Variants in CTC1 observed in about 807,000 individuals in gnomAD.
CTC1 encodes the protein CST telomere replication complex component 1.
CTC1 carries 91 observed loss-of-function variants against 136.3 expected under a neutral mutation model. The observed-to-expected ratio is 0.67, with a 90% CI of 0.56 to 0.79. The LOEUF is 0.79. Ranked by LOEUF, CTC1 falls within the 30% of genes least tolerant of loss-of-function variation. The pLI is 0.00. For synonymous variants in CTC1, 606 were observed against 613.8 expected, an observed-to-expected ratio of 0.99 and a Z score of 0.19; for missense variants, 1,432 against 1,498.1, an observed-to-expected ratio of 0.96 and a Z score of 0.73.
intron 22 of CTC1, 29 bp from the exon 23 acceptor site, chr17:8,228,348 G>A (rs527465967): frequency 3.5e-5 from 57 of 1,610,678 alleles, no homozygotes; most frequent in South Asian, 5.5e-5. Flanking sequence ...AAAAACACAC[G>A]TCTCAGGCAT....
intron 1 of CTC1, 67 bp downstream of exon 1, chr17:8,247,937 T>C (rs377393272): frequency 7.3e-6 from 11 of 1,516,350 alleles, no homozygotes; most frequent in African/African-American, 2.8e-5. Flanking sequence ...GCAGAGGAAA[T>C]AGGAAGAGAA....
intron 15 of CTC1, 150 bp downstream of exon 15, chr17:8,231,126 G>C: frequency 1.6e-6 from 1 of 643,280 alleles, no homozygotes; most frequent in African/African-American, 1.8e-5. Context: ...AGGCAACAGA[G>C]TGAGACTCCG....
rs377386669 is a variant in CTC1, at chr17:8,248,011, G to C, written c.26C>G (p.Pro9Arg). The C allele has an allele frequency of 3.1e-6, 5 of 1,610,776 alleles. No homozygotes were observed. The highest frequency in any genetic ancestry group is 4.2e-6 in the Non-Finnish European group (5 of 1,178,708). MAAGRAQV[P>R]SSEQAWLEDA... ...CGTAATAGCAGCACTCACGGAGGAA[G>C]GGACCTGGGCCCGGCCAGCCGCCAT... The change falls in exon 1 of 23, where the codon CCT (proline) becomes CGT (arginine). Residue 9 changes from proline (P) to arginine (R), a missense_variant. Physicochemically the swap from Pro to Arg is moderately radical, Grantham distance 103. Coordinates refer to ENST00000651323, the MANE Select transcript of CTC1 (RefSeq NM_025099.6).
chr17:8,229,573 G>A (rs1225148993), intron 18 of CTC1, 127 bp from the exon 19 acceptor site: 8 of 747,154 alleles, frequency 1.1e-5, no homozygotes, highest in South Asian at 3.6e-5. Flanking sequence ...GGTTCCATGC[G>A]CTCCTAGAAG....
intron 2 of CTC1, among the ~76,000 whole-genome samples, chr17:8,241,208 A>G (rs555896770): frequency 6.6e-6 from 1 of 152,262 alleles, no homozygotes; most frequent in Admixed American, 6.5e-5. Context: ...GAATCGCTTG[A>G]ACCTGGGAGG....
Position 8,235,170 on chromosome 17 carries a change from G to A in CTC1, c.1322C>T (p.Ala441Val), listed in dbSNP as rs372289941. The A allele has an allele frequency of 1.9e-6, 3 of 1,614,204 alleles. No individual in the cohort carries two copies. Among genetic ancestry groups the A allele is most frequent in the South Asian group, 2.2e-5 (2 of 91,090 alleles). ...CCCGTAGGCTTGACGGGATGAGTGA[G>A]CCCCAGGCTTCTGACGAGAGAAGCT... ...LQSFSRQKPG[A>V]HSSRQAYGAS... Residue 441 changes from alanine to valine, a missense_variant, in exon 8 of 23, where the codon GCT becomes GTT. By Grantham distance (64) the Ala-to-Val change is moderately conservative (BLOSUM62 0). Coordinates refer to ENST00000651323, the MANE Select transcript of CTC1 (RefSeq NM_025099.6).
At chr17:8,243,245 T>A (rs1988425651) in intron 1 of CTC1, 97 bp from the exon 2 acceptor site, 1 of 1,206,276 alleles carries the variant, frequency 8.3e-7, no homozygotes, top group Non-Finnish European at 1.1e-6. Flanking sequence ...CCGGGCCGGG[T>A]GCGGTGGCTC....
At chr17:8,237,936 T>A (rs934070984) in intron 4 of CTC1, 95 bp downstream of exon 4, 8 of 966,764 alleles carry the variant, frequency 8.3e-6, no homozygotes, top group Non-Finnish European at 1.1e-5. Flanking sequence ...TCAGTCTATA[T>A]TACTATCAAT....
At position 8,232,445 on chromosome 17, in the gene CTC1, A is replaced by G; in HGVS notation, c.1976T>C (p.Leu659Ser). ...GCLVRAERFQ[L>S]IVERDVRSSF... ...GCTTCTCACGTCCCTCTCTACGATC[A>G]ACTGAAACCTCTCTGCCCGCACCAG... is the stretch of plus-strand genomic sequence containing the variant. The change falls in exon 12 of 23, where the codon TTG becomes TCG. Residue 659 changes from leucine to serine, a missense_variant. Coordinates refer to ENST00000651323, the MANE Select transcript of CTC1 (RefSeq NM_025099.6). 1.2e-6 allele frequency: 2 copies of G among 1,614,102 alleles called. No homozygotes were observed. Among genetic ancestry groups the G allele is most frequent in the Non-Finnish European group, 1.7e-6 (2 of 1,179,986 alleles).
chr17:8,228,899 G>A lies in CTC1; in HGVS notation c.3222-7C>T, dbSNP rs1425368045. On this transcript the variant is annotated splice_region_variant and splice_polypyrimidine_tract_variant and intron_variant, in intron 20 of 22. Coordinates refer to ENST00000651323, the MANE Select transcript of CTC1 (RefSeq NM_025099.6). ...CCCATCCTCCACCAGGAGCCTATGG[G>A]GAGCAGGAGGAAATAAAAACGCCTA... 6.3e-7 allele frequency: 1 copy of A among 1,598,522 alleles called. No homozygotes were observed. Among genetic ancestry groups the A allele is most frequent in the Non-Finnish European group, 8.5e-7 (1 of 1,175,114 alleles).
At chr17:8,246,965 C>CTTATTTATTTATTTATTTATTTAT (rs147423378) in intron 1 of CTC1, among the ~76,000 whole-genome samples, 5 of 141,402 alleles carry the variant, frequency 3.5e-5, no homozygotes, top group African/African-American at 1.3e-4. Flanking sequence ...TTCTTAACAT[C>CTTATTTATTTATTTATTTATTTAT]TTATTTATTT....
chr17:8,230,065 C>T, intron 17 of CTC1, 97 bp from the exon 18 acceptor site: 2 of 1,194,156 alleles, frequency 1.7e-6, no homozygotes, highest in Non-Finnish European at 1.2e-6. Context: ...GTGGCCACTC[C>T]CCCTGAGGGA....
In CTC1 at chr17:8,238,109, G is replaced by C. The variant is rs761520200; in HGVS notation, c.569C>G (p.Pro190Arg). 1 of 1,614,174 alleles carries C rather than the reference G, an allele frequency of 6.2e-7. No individual in the cohort carries two copies. The highest frequency in any genetic ancestry group is 2.2e-5 in the East Asian group (1 of 44,890). Residue 190 changes from proline to arginine, a missense_variant, in exon 4 of 23, where the codon CCT becomes CGT. Physicochemically the swap from Pro to Arg is moderately radical, Grantham distance 103. Transcript: ENST00000651323. ...GACGGGGCCAGGACTGATGGTCAAAGGAAACACTGGCACAGGGGCATCCCA... is the reference window on the plus strand; with the variant it reads ...GACGGGGCCAGGACTGATGGTCAAACGAAACACTGGCACAGGGGCATCCCA... ...ELWDAPVPVF[P>R]LTISPGPVTP...
At position 8,236,257 on chromosome 17, in the gene CTC1, C is replaced by G. The variant is rs377324497; in HGVS notation, c.878G>C (p.Gly293Ala). 16 of 1,614,116 alleles carry G rather than the reference C, an allele frequency of 9.9e-6. No homozygotes were observed. The African/African-American group carries it at 2.1e-4, about 22-fold the overall frequency. The change falls in exon 6 of 23, where the codon GGT becomes GCT. Residue 293 changes from glycine to alanine, a missense_variant. Physicochemically the swap from Gly to Ala is moderately conservative, Grantham distance 60 (BLOSUM62 0). Transcript: ENST00000651323. Reference sequence around the variant, plus strand: ...GGTCATCCAAACATGCTGGCGCTGACCACGGATCTTGGACACTCGCAGTTC... The same window carrying G: ...GGTCATCCAAACATGCTGGCGCTGAGCACGGATCTTGGACACTCGCAGTTC... ...LTELRVSKIR[G>A]QRQHVWMTSQ...
rs757334155 is a variant in CTC1, at chr17:8,231,820, G to A, written c.2386-5C>T. ...GCCAAAGAAAATGAGGTGAACCTGGGAGGATGGAGAGCAAAGTGCTGGGAT... is the reference window on the plus strand; with the variant it reads ...GCCAAAGAAAATGAGGTGAACCTGGAAGGATGGAGAGCAAAGTGCTGGGAT... On this transcript the variant is annotated splice_polypyrimidine_tract_variant and splice_region_variant and intron_variant, in intron 13 of 22. Transcript: ENST00000651323. 1 of 1,614,204 alleles carries A rather than the reference G, an allele frequency of 6.2e-7. No individual in the cohort carries two copies. The highest frequency in any genetic ancestry group is 1.1e-5 in the South Asian group (1 of 91,082).
intron 1 of CTC1, chr17:8,247,802 C>A (rs933967601): frequency 6.6e-6 from 4 of 609,670 alleles, no homozygotes; most frequent in Non-Finnish European, 1.2e-5. Flanking sequence ...CAGTTTAAGG[C>A]TCACAGCGGG....
intron 10 of CTC1, 28 bp from the exon 11 acceptor site, chr17:8,233,060 A>G (rs371086370): frequency 9.6e-5 from 155 of 1,612,322 alleles, no homozygotes; most frequent in Middle Eastern, 4.9e-4. Context: ...TTGAGTTATC[A>G]AATGTTTATT....
At position 8,230,579 on chromosome 17, in the gene CTC1, A is replaced by G. The variant is rs1248489024; in HGVS notation, c.2742T>C (p.Ser914=). Residue 914 remains serine (S), a synonymous_variant, in exon 16 of 23, where the codon TCT becomes TCC. Coordinates refer to ENST00000651323, the MANE Select transcript of CTC1 (RefSeq NM_025099.6). ...SRTLCEPLVA[S]LWMKLGNTGA... is the part of the protein sequence containing the mutation. The stretch of plus-strand genomic sequence containing the variant: ...GGTCATTACCCAGTTTCATCCAGAG[A>G]GACGCCACAAGGGGTTCACATAGTG... The G allele has an allele frequency of 6.2e-7, 1 of 1,614,172 alleles. No homozygotes were observed. The highest frequency in any genetic ancestry group is 8.5e-7 in the Non-Finnish European group (1 of 1,180,022).
intron 4 of CTC1, 60 bp from the exon 5 acceptor site, chr17:8,237,579 C>T (rs1987837765): frequency 1.4e-6 from 2 of 1,397,884 alleles, no homozygotes; most frequent in African/African-American, 3.0e-5. Flanking sequence ...GGAGGAGAAT[C>T]ACTTGAACCT....
Sources: allele counts gnomAD v4.1 joint callset (sites outside exome capture counted in the v4.1 genomes callset), GRCh38; gene constraint gnomAD v4.1.1; transcripts MANE v1.5; gene names NCBI Gene and HGNC (gene_info 2026-07-23, HGNC 2026-07-21).